Variants in KLF12 observed in about 807,000 individuals in gnomAD.
KLF12 encodes Krueppel-like factor 12.
Under a neutral mutation model 37.8 loss-of-function variants are expected in KLF12, and 9 were observed. The observed-to-expected ratio is 0.24, with a 90% CI of 0.14 to 0.42. The LOEUF is 0.42. Among genes scored for constraint, KLF12 ranks in the 10% least tolerant of loss-of-function variants. The probability of loss-of-function intolerance (pLI) is 1.00; values close to 1 mark genes in which losing one functional copy is unlikely to be tolerated. For synonymous variants in KLF12, 208 were observed against 202.1 expected (o/e 1.03, Z -0.25); for missense variants, 411 against 516.0 (o/e 0.80, Z 1.97).
chr13:73,740,713 T>G (rs937152433), intron 6 of KLF12, among the ~76,000 whole-genome samples: 1 of 152,196 alleles, frequency 6.6e-6, no homozygotes, highest in Non-Finnish European at 1.5e-5. Context: ...TTGCCAAATG[T>G]TCTTTTATCT....
At chr13:73,787,542 C>T (rs941061941) in intron 5 of KLF12, among the ~76,000 whole-genome samples, 1 of 152,158 alleles carries the variant, frequency 6.6e-6, no homozygotes, top group Non-Finnish European at 1.5e-5. Flanking sequence ...AAGCACATTA[C>T]AAACATTTCA....
At chr13:74,273,948 A>G in the KLF12 span, among the ~76,000 whole-genome samples, 38 of 152,300 alleles carry the variant, frequency 2.5e-4, 2 homozygotes, top group South Asian at 6.8e-3. Flanking sequence ...CATGCCACAC[A>G]GTGCACAAAT....
chr13:74,196,719 C>T, the KLF12 span, among the ~76,000 whole-genome samples: 1 of 152,144 alleles, frequency 6.6e-6, no homozygotes. Flanking sequence ...ATTCTGTTGA[C>T]ACCCTCAGAA....
chr13:73,885,827 A>G (rs987314953), intron 3 of KLF12, among the ~76,000 whole-genome samples: 3 of 152,210 alleles, frequency 2.0e-5, no homozygotes, highest in African/African-American at 7.2e-5. Context: ...CATTTAGGAG[A>G]CAATTTGTGA....
chr13:74,212,257 T>G, the KLF12 span, among the ~76,000 whole-genome samples: 2 of 152,178 alleles, frequency 1.3e-5, no homozygotes, highest in African/African-American at 4.8e-5. Flanking sequence ...AGAATATAAT[T>G]TAATTATATC....
intron 6 of KLF12, among the ~76,000 whole-genome samples, chr13:73,723,666 G>T (rs11841136): frequency 0.15 from 23,158 of 152,022 alleles, 2,908 homozygotes; most frequent in African/African-American, 0.35. Flanking sequence ...CATCTGATTT[G>T]GGGACTCTCT....
the KLF12 span, among the ~76,000 whole-genome samples, chr13:74,306,033 G>A: frequency 2.6e-5 from 4 of 152,004 alleles, no homozygotes; most frequent in South Asian, 2.1e-4. Flanking sequence ...CCACATAGTC[G>A]GTGCTGAAAC....
chr13:73,774,439 C>T (rs1387328400), intron 5 of KLF12, among the ~76,000 whole-genome samples: 3 of 152,034 alleles, frequency 2.0e-5, no homozygotes, highest in Non-Finnish European at 2.9e-5. Flanking sequence ...CCTGCATCGG[C>T]CCACACCTGG....
chr13:74,176,768 C>G, the KLF12 span, among the ~76,000 whole-genome samples: 1 of 152,152 alleles, frequency 6.6e-6, no homozygotes, highest in African/African-American at 2.4e-5. Flanking sequence ...TTTATACCGT[C>G]AACTTTCTTG....
At chr13:73,786,708 C>A (rs1881370307) in intron 5 of KLF12, among the ~76,000 whole-genome samples, 1 of 149,898 alleles carries the variant, frequency 6.7e-6, no homozygotes, top group Admixed American at 6.7e-5. Context: ...CATGGAAAAA[C>A]CCCACCCCTA....
At chr13:74,067,701 G>C (rs899081748) in intron 1 of KLF12, among the ~76,000 whole-genome samples, 1 of 130,438 alleles carries the variant, frequency 7.7e-6, no homozygotes, top group Non-Finnish European at 1.7e-5. Flanking sequence ...AATAGTTTTA[G>C]TTTTAAAAAT....
intron 1 of KLF12, among the ~76,000 whole-genome samples, chr13:74,116,774 C>A (rs1039372640): frequency 6.6e-6 from 1 of 152,012 alleles, no homozygotes; most frequent in Admixed American, 6.5e-5. Context: ...ACTGAAGGGA[C>A]CAATTAACTA....
At chr13:74,109,719 C>T (rs1361122406) in intron 1 of KLF12, among the ~76,000 whole-genome samples, 3 of 151,948 alleles carry the variant, frequency 2.0e-5, no homozygotes, top group East Asian at 1.9e-4. Flanking sequence ...TTAGTTCAAG[C>T]CAATGGAAAT....
At chr13:74,119,681 G>C (rs899137666) in intron 1 of KLF12, among the ~76,000 whole-genome samples, 2 of 152,162 alleles carry the variant, frequency 1.3e-5, no homozygotes, top group African/African-American at 4.8e-5. Context: ...AGATGGGGGA[G>C]AGGTGCAGAA....
chr13:74,105,848 G>T (rs1451436621), intron 1 of KLF12, among the ~76,000 whole-genome samples: 1 of 152,194 alleles, frequency 6.6e-6, no homozygotes, highest in Non-Finnish European at 1.5e-5. Flanking sequence ...CTTTTGTAAA[G>T]TGAGTGGAAA....
At chr13:74,257,019 C>T in the KLF12 span, 1 of 152,148 alleles carries the variant, frequency 6.6e-6, no homozygotes, top group African/African-American at 2.4e-5. Context: ...AACATTTTGC[C>T]TTATGGAATT....
chr13:73,981,320 C>T (rs1171304753), intron 2 of KLF12, among the ~76,000 whole-genome samples: 1 of 152,146 alleles, frequency 6.6e-6, no homozygotes, highest in African/African-American at 2.4e-5. Context: ...ATTTAAACGA[C>T]TCTTCATAGC....
intron 4 of KLF12, among the ~76,000 whole-genome samples, chr13:73,824,215 A>T (rs1436122110): frequency 6.6e-6 from 1 of 152,096 alleles, no homozygotes; most frequent in Non-Finnish European, 1.5e-5. Flanking sequence ...CCCACACTTC[A>T]CAAGAGTTAC....
At chr13:73,773,743 C>T (rs1880414344) in intron 5 of KLF12, among the ~76,000 whole-genome samples, 1 of 152,142 alleles carries the variant, frequency 6.6e-6, no homozygotes, top group South Asian at 2.1e-4. Context: ...TCAACACGGC[C>T]CGAATGCCTA....
Sources: allele counts gnomAD v4.1 joint callset (sites outside exome capture counted in the v4.1 genomes callset), GRCh38; gene constraint gnomAD v4.1.1; transcripts MANE v1.5; gene names NCBI Gene and HGNC (gene_info 2026-07-23, HGNC 2026-07-21).